Variants in GPC5 observed in about 807,000 individuals in gnomAD.
The protein encoded by GPC5 is glypican 5, also known as glypican-5.
Under a neutral mutation model 53.9 loss-of-function variants are expected in GPC5, and 47 were observed. The ratio of observed to expected loss-of-function variants is 0.87; its 90% confidence interval spans 0.69 to 1.11. GPC5 has a LOEUF of 1.11. GPC5 is among the 50% of genes most tolerant of loss of function. The pLI, the probability that GPC5 is intolerant of heterozygous loss-of-function variation, is 0.00. For synonymous variants in GPC5, 286 were observed against 263.3 expected (o/e 1.09, Z -0.84); for missense variants, 748 against 713.1 (o/e 1.05, Z -0.56).
intron 4 of GPC5, among the ~76,000 whole-genome samples, chr13:91,750,939 G>A (rs935996644): frequency 6.6e-5 from 10 of 150,422 alleles, no homozygotes; most frequent in African/African-American, 2.2e-4. Flanking sequence ...TGGGATTACA[G>A]GTGTGAGCCA....
intron 6 of GPC5, among the ~76,000 whole-genome samples, chr13:91,986,746 A>C (rs947202801): frequency 6.6e-6 from 1 of 152,254 alleles, no homozygotes; most frequent in Non-Finnish European, 1.5e-5. Context: ...ATATGTTCTC[A>C]ATGAAATATT....
chr13:92,447,756 A>T (rs1242370035), intron 7 of GPC5: 1 of 152,134 alleles, frequency 6.6e-6, no homozygotes, highest in Non-Finnish European at 1.5e-5. Context: ...TCTGATTACC[A>T]GGAAAAAAAG....
At chr13:91,630,318 A>T (rs2034123782) in intron 2 of GPC5, among the ~76,000 whole-genome samples, 1 of 152,022 alleles carries the variant, frequency 6.6e-6, no homozygotes, top group South Asian at 2.1e-4. Context: ...TATTTTGAAT[A>T]TTGGGTATTA....
intron 5 of GPC5, among the ~76,000 whole-genome samples, chr13:91,778,062 C>A (rs1289622547): frequency 6.7e-6 from 1 of 150,102 alleles, no homozygotes; most frequent in African/African-American, 2.4e-5. Context: ...TAAAAGGATC[C>A]TTTCAAATAC....
chr13:91,520,370 A>T (rs1234075306), intron 2 of GPC5, among the ~76,000 whole-genome samples: 1 of 152,130 alleles, frequency 6.6e-6, no homozygotes, highest in Non-Finnish European at 1.5e-5. Flanking sequence ...TCTTGCTTTG[A>T]AGGTATGTTT....
At chr13:92,835,479 A>C (rs1878191701) in intron 7 of GPC5, among the ~76,000 whole-genome samples, 1 of 152,004 alleles carries the variant, frequency 6.6e-6, no homozygotes, top group Non-Finnish European at 1.5e-5. Flanking sequence ...ACTTAAGGAA[A>C]GCTCTCCAAA....
At chr13:92,058,903 T>C (rs997325183) in intron 6 of GPC5, among the ~76,000 whole-genome samples, 1 of 152,190 alleles carries the variant, frequency 6.6e-6, no homozygotes, top group African/African-American at 2.4e-5. Flanking sequence ...TTAAGGTCTT[T>C]CATCCCAATT....
intron 2 of GPC5, among the ~76,000 whole-genome samples, chr13:91,505,491 C>T (rs1242017643): frequency 6.6e-6 from 1 of 152,142 alleles, no homozygotes; most frequent in East Asian, 1.9e-4. Flanking sequence ...ACTTTGTCCC[C>T]TCTACTTTCT....
chr13:92,791,823 A>G (rs1021580238), intron 7 of GPC5, among the ~76,000 whole-genome samples: 4 of 152,054 alleles, frequency 2.6e-5, no homozygotes, highest in Non-Finnish European at 4.4e-5. Flanking sequence ...CTACATTATT[A>G]TTTTTTTAAA....
intron 2 of GPC5, among the ~76,000 whole-genome samples, chr13:91,622,129 G>A (rs967756770): frequency 1.1e-4 from 17 of 151,970 alleles, no homozygotes; most frequent in African/African-American, 3.9e-4. Flanking sequence ...CTGATTAGAT[G>A]GTGCTTACCC....
chr13:92,265,275 C>T (rs1199546495), intron 7 of GPC5, among the ~76,000 whole-genome samples: 1 of 152,068 alleles, frequency 6.6e-6, no homozygotes, highest in African/African-American at 2.4e-5. Flanking sequence ...TAAATTCTCA[C>T]CTCTCACTTT....
At chr13:92,037,562 C>T (rs954657216) in intron 6 of GPC5, among the ~76,000 whole-genome samples, 1 of 152,094 alleles carries the variant, frequency 6.6e-6, no homozygotes, top group Non-Finnish European at 1.5e-5. Flanking sequence ...GCATTTACCC[C>T]GCTGGAAGGT....
At chr13:92,644,132 T>G (rs1308974506) in intron 7 of GPC5, among the ~76,000 whole-genome samples, 1 of 152,172 alleles carries the variant, frequency 6.6e-6, no homozygotes, top group African/African-American at 2.4e-5. Flanking sequence ...AAGTGTGCAC[T>G]GAAAGCTTGA....
chr13:92,341,021 T>C (rs2043361838), intron 7 of GPC5, among the ~76,000 whole-genome samples: 1 of 152,016 alleles, frequency 6.6e-6, no homozygotes, highest in African/African-American at 2.4e-5. Flanking sequence ...TCCATCTTCA[T>C]TTTTTTTAAA....
chr13:91,803,174 T>G (rs954067568), intron 5 of GPC5, among the ~76,000 whole-genome samples: 4 of 152,174 alleles, frequency 2.6e-5, no homozygotes, highest in Admixed American at 1.3e-4. Context: ...ATATTATTGG[T>G]GAGAAATCAT....
intron 7 of GPC5, among the ~76,000 whole-genome samples, chr13:92,615,855 C>A (rs561457830): frequency 6.6e-6 from 1 of 152,132 alleles, no homozygotes; most frequent in East Asian, 1.9e-4. Flanking sequence ...GAGATCGAGA[C>A]CATCCTGGCT....
intron 7 of GPC5, among the ~76,000 whole-genome samples, chr13:92,798,243 A>G (rs921150934): frequency 1.3e-5 from 2 of 151,882 alleles, no homozygotes; most frequent in African/African-American, 4.8e-5. Flanking sequence ...TCAGTAAGAC[A>G]TATAGTTTAT....
At chr13:91,795,161 A>T (rs1337126058) in intron 5 of GPC5, among the ~76,000 whole-genome samples, 1 of 152,224 alleles carries the variant, frequency 6.6e-6, no homozygotes, top group African/African-American at 2.4e-5. Context: ...TTTTATGATC[A>T]CAAAACAATG....
chr13:92,004,264 G>C (rs759742199), intron 6 of GPC5, among the ~76,000 whole-genome samples: 2 of 151,352 alleles, frequency 1.3e-5, no homozygotes, highest in Non-Finnish European at 2.9e-5. Context: ...GGCCAACATG[G>C]TGAAACCCTG....
Sources: gnomAD v4.1 joint callset for allele counts (sites outside exome capture counted in the v4.1 genomes callset) on GRCh38, gnomAD v4.1.1 for gene constraint, MANE v1.5 for transcripts, NCBI Gene and HGNC (gene_info 2026-07-23, HGNC 2026-07-21) for gene names.